SLC33A1: variants seen among roughly 807,000 people sequenced by gnomAD.
SLC33A1 encodes solute carrier family 33 member 1.
A neutral mutation model predicts 50.0 loss-of-function variants in SLC33A1; 20 were observed. The observed-to-expected ratio is 0.40, with a 90% CI of 0.28 to 0.58. The LOEUF is 0.58. SLC33A1 is among the 20% of genes least tolerant of loss of function. SLC33A1 has a pLI of 0.44. For missense variants in SLC33A1, 476 were observed against 657.0 expected (o/e 0.72, Z 3.01); for synonymous variants, 265 against 251.8 (o/e 1.05, Z -0.50).
rs748977944 is a variant in SLC33A1 at position 155,853,375 on chromosome 3, T to A, written c.623A>T (p.Glu208Val). 8 of 1,614,100 alleles carry A rather than the reference T, an allele frequency of 5.0e-6. No homozygotes were observed. Among genetic ancestry groups the A allele is most frequent in the Non-Finnish European group, 4.2e-6 (5 of 1,180,034 alleles). Residue 208 changes from glutamate (E) to valine (V), a missense_variant, in exon 1 of 6, where the codon GAA becomes GTA. Coordinates refer to ENST00000643144, the MANE Select transcript of SLC33A1 (RefSeq NM_004733.4). ...DGWALTMLSRENVGYASTCNS... is the reference protein window; with the variant it reads ...DGWALTMLSRVNVGYASTCNS... The stretch of plus-strand genomic sequence containing the variant: ...GCAAGTAGAAGCATAACCCACATTT[T>A]CCCTGGATAACATAGTTAACGCCCA...
chr3:155,845,291 T>C (rs988947975), intron 1 of SLC33A1, among the ~76,000 whole-genome samples: 13 of 151,770 alleles, frequency 8.6e-5, no homozygotes, highest in Non-Finnish European at 1.8e-4. Flanking sequence ...AAGAAGAAAC[T>C]ACACAGGTTT....
In SLC33A1 at chr3:155,838,640, C is replaced by T. The variant is rs139196896; in HGVS notation, c.963+3792G>A. 6.9e-3 allele frequency among the ~76,000 whole-genome samples: 1,011 copies of T among 147,206 alleles called. 19 individuals are homozygous for T. The highest frequency in any genetic ancestry group is 0.024 in the African/African-American group (956 of 39,474). ...AGGTTGCAGTGAGCAGAGATCCCACCACTGCACTCCAGCTTGGGCAACAGA... is the reference window on the plus strand; with the variant it reads ...AGGTTGCAGTGAGCAGAGATCCCACTACTGCACTCCAGCTTGGGCAACAGA... On this transcript the variant is annotated intron_variant, in intron 2 of 5. Transcript: ENST00000643144.
intron 2 of SLC33A1, among the ~76,000 whole-genome samples, chr3:155,840,233 G>T (rs368215393): frequency 2.0e-5 from 3 of 151,214 alleles, no homozygotes; most frequent in Non-Finnish European, 1.5e-5. Flanking sequence ...GCTTACAGGC[G>T]CCTGGCACCA....
chr3:155,832,763 A>G (rs1185914210), intron 4 of SLC33A1, among the ~76,000 whole-genome samples: 1 of 150,112 alleles, frequency 6.7e-6, no homozygotes, highest in African/African-American at 2.4e-5. Flanking sequence ...AAGCTAAGCC[A>G]GAAACTAAGA....
intron 1 of SLC33A1, chr3:155,844,917 T>A (rs1220718762): frequency 1.3e-5 from 2 of 152,206 alleles, no homozygotes; most frequent in African/African-American, 4.8e-5. Context: ...TTTTACATAT[T>A]ATTAACAGCA....
At chr3:155,844,449 A>ATGT in intron 1 of SLC33A1, among the ~76,000 whole-genome samples, 1 of 24,126 alleles carries the variant, frequency 4.1e-5, no homozygotes, top group Non-Finnish European at 7.6e-5. Context: ...ATATATATAT[A>ATGT]TATATATATT....
At chr3:155,831,457 C>CAAAAAAAAAAAAAAAAAAA (rs397991448) in intron 4 of SLC33A1, among the ~76,000 whole-genome samples, 8 of 46,682 alleles carry the variant, frequency 1.7e-4, no homozygotes, top group African/African-American at 4.7e-4. Flanking sequence ...GACTCTGTCT[C>CAAAAAAAAAAAAAAAAAAA]AAAAAAAAAA....
At chr3:155,836,283 A>ATC (rs1752663821) in intron 2 of SLC33A1, among the ~76,000 whole-genome samples, 1 of 43,164 alleles carries the variant, frequency 2.3e-5, no homozygotes, top group Non-Finnish European at 4.5e-5. Flanking sequence ...ACTCTGTCAA[A>ATC]AAAAAAAAAA....
chr3:155,835,417 C>A (rs1409823648), intron 2 of SLC33A1, among the ~76,000 whole-genome samples: 1 of 152,086 alleles, frequency 6.6e-6, no homozygotes, highest in Non-Finnish European at 1.5e-5. Flanking sequence ...CAAAAAGCGG[C>A]CCCCAAAATC....
chr3:155,843,554 G>A (rs1321318010), intron 1 of SLC33A1, among the ~76,000 whole-genome samples: 3 of 152,106 alleles, frequency 2.0e-5, no homozygotes, highest in Non-Finnish European at 2.9e-5. Flanking sequence ...AGTAAATAAT[G>A]GTCTGGAAGA....
Position 155,854,307 on chromosome 3 carries a change from T to A in SLC33A1, c.-310A>T. ...GGAGGTGTGTGCCGTGGTGCCAGGA[T>A]GGAAACCAGCTCCTACCTGCGGCGG... On this transcript the variant is annotated 5_prime_UTR_variant, in exon 1 of 6. Transcript: ENST00000643144. The A allele has an allele frequency of 3.6e-6, 1 of 280,652 alleles. No homozygotes were observed. Among genetic ancestry groups the A allele is most frequent in the Non-Finnish European group, 6.7e-6 (1 of 150,024 alleles). The allele number at this position is 280,652 out of a possible 1,614,324, so 17.4% of individuals were successfully genotyped here. A position where few individuals can be genotyped will look rare whatever the true frequency, so the allele number is the denominator to read the frequency against.
At chr3:155,844,933 T>G (rs1753112250) in intron 1 of SLC33A1, 1 of 152,210 alleles carries the variant, frequency 6.6e-6, no homozygotes, top group African/African-American at 2.4e-5. Context: ...CAGCATTCAC[T>G]TGGCATGTCC....
intron 1 of SLC33A1, among the ~76,000 whole-genome samples, chr3:155,844,459 T>TATATATATATA: frequency 2.3e-5 from 1 of 44,338 alleles, no homozygotes; most frequent in African/African-American, 9.5e-5. Flanking sequence ...ATATATATAT[T>TATATATATATA]TTTTTTTTTT....
At chr3:155,847,255 A>G (rs1157411173) in intron 1 of SLC33A1, among the ~76,000 whole-genome samples, 2 of 152,166 alleles carry the variant, frequency 1.3e-5, no homozygotes, top group Non-Finnish European at 2.9e-5. Flanking sequence ...AATGTAGGGT[A>G]ACATTTTAAG....
chr3:155,847,746 C>G (rs1753230485), intron 1 of SLC33A1, among the ~76,000 whole-genome samples: 1 of 135,796 alleles, frequency 7.4e-6, no homozygotes, highest in South Asian at 2.2e-4. Flanking sequence ...AAAACTCCGT[C>G]TCAAAAAATA....
At chr3:155,842,052 A>G (rs1402510275) in intron 2 of SLC33A1, among the ~76,000 whole-genome samples, 1 of 152,088 alleles carries the variant, frequency 6.6e-6, no homozygotes, top group East Asian at 1.9e-4. Context: ...CTGGCCCTAT[A>G]TCTTTTTACG....
Position 155,828,204 on chromosome 3 carries a change from T to C in SLC33A1, c.*6A>G, listed in dbSNP as rs1284052153. ...TACCTTGCTAGAATGTCCAGTAGCATATATATTAATTGTTCCTTTTGCATT... is the reference window on the plus strand; with the variant it reads ...TACCTTGCTAGAATGTCCAGTAGCACATATATTAATTGTTCCTTTTGCATT... On this transcript the variant is annotated 3_prime_UTR_variant, in exon 6 of 6. Coordinates refer to ENST00000643144, the MANE Select transcript of SLC33A1 (RefSeq NM_004733.4). The C allele has an allele frequency of 3.8e-6, 6 of 1,598,062 alleles. No homozygotes were observed. Among genetic ancestry groups the C allele is most frequent in the Non-Finnish European group, 3.4e-6 (4 of 1,165,468 alleles).
chr3:155,836,304 AAAAAAAAAAG>A (rs1560015315), intron 2 of SLC33A1, among the ~76,000 whole-genome samples: 8 of 142,296 alleles, frequency 5.6e-5, no homozygotes, highest in African/African-American at 2.2e-4. Flanking sequence ...AAAAAAAAAA[AAAAAAAAAAG>A]GAAAGAAAGA....
rs1477512616 is a variant in SLC33A1, at chr3:155,827,061, G to GA, written c.*1148dup. 30 of 152,106 alleles carry GA rather than the reference G, an allele frequency of 2.0e-4. No homozygotes were observed. Among genetic ancestry groups the GA allele is most frequent in the African/African-American group, 6.5e-4 (27 of 41,422 alleles). The allele number at this position is 152,106 out of a possible 1,614,324, so 9.4% of individuals were successfully genotyped here. On this transcript the variant is annotated 3_prime_UTR_variant, in exon 6 of 6. Coordinates refer to ENST00000643144, the MANE Select transcript of SLC33A1 (RefSeq NM_004733.4). Reference sequence around the variant, plus strand: ...TTTCTTGGAATAGCAACTGTCCACTGAAAACTATAGTATTCAAACAAAAGG... The same window carrying GA: ...TTTCTTGGAATAGCAACTGTCCACTGAAAAACTATAGTATTCAAACAAAAGG...
Sources: allele counts gnomAD v4.1 joint callset (sites outside exome capture counted in the v4.1 genomes callset), GRCh38; gene constraint gnomAD v4.1.1; transcripts MANE v1.5; gene names NCBI Gene and HGNC (gene_info 2026-07-23, HGNC 2026-07-21).